The following CSMD1 variants were observed in gnomAD, a reference collection of about 807,000 sequenced individuals.
CSMD1 encodes CUB and sushi domain-containing protein 1.
In CSMD1, 213 loss-of-function variants were observed where a neutral mutation model predicts 417.5. The observed-to-expected ratio is 0.51, with a 90% CI of 0.46 to 0.57. CSMD1 has a LOEUF of 0.57. CSMD1 is among the 20% of genes least tolerant of loss of function. CSMD1 has a pLI of 0.00. For missense variants in CSMD1, 6,923 were observed against 4,529.7 expected (o/e 1.53, Z -15.17); for synonymous variants, 2,862 against 1,736.8 (o/e 1.65, Z -16.11).
chr8:4,455,182 G>A (rs540522333), intron 2 of CSMD1, among the ~76,000 whole-genome samples: 1 of 150,896 alleles, frequency 6.6e-6, no homozygotes, highest in East Asian at 1.9e-4. Flanking sequence ...AATTAAAGAT[G>A]CAACAAAAGC....
intron 3 of CSMD1, among the ~76,000 whole-genome samples, chr8:4,317,129 C>T (rs912277888): frequency 6.6e-6 from 1 of 152,142 alleles, no homozygotes; most frequent in Non-Finnish European, 1.5e-5. Context: ...ACATCATCAT[C>T]ATCTAAGGTT....
At chr8:3,691,552 T>C (rs566114638) in intron 7 of CSMD1, among the ~76,000 whole-genome samples, 18 of 152,298 alleles carry the variant, frequency 1.2e-4, no homozygotes, top group Non-Finnish European at 1.8e-4. Flanking sequence ...CCTGAATGAA[T>C]AATTGTATTT....
intron 1 of CSMD1, among the ~76,000 whole-genome samples, chr8:4,978,349 A>C (rs902530894): frequency 6.6e-6 from 1 of 152,092 alleles, no homozygotes; most frequent in Non-Finnish European, 1.5e-5. Context: ...CTAAAGCCAG[A>C]AGGAAAAAGC....
At chr8:3,151,703 G>A (rs1819206003) in intron 39 of CSMD1, among the ~76,000 whole-genome samples, 190 bp from the exon 40 acceptor site, 1 of 152,168 alleles carries the variant, frequency 6.6e-6, no homozygotes, top group African/African-American at 2.4e-5. Flanking sequence ...TCTTGACAGT[G>A]AACTGCTTTA....
At chr8:4,941,495 T>C (rs1206357122) in intron 1 of CSMD1, among the ~76,000 whole-genome samples, 1 of 152,300 alleles carries the variant, frequency 6.6e-6, no homozygotes, top group African/African-American at 2.4e-5. Flanking sequence ...ATCTTCAGAA[T>C]CAACAGTTAT....
chr8:3,524,118 T>C (rs1027143088), intron 10 of CSMD1, among the ~76,000 whole-genome samples: 12 of 141,036 alleles, frequency 8.5e-5, no homozygotes, highest in East Asian at 2.2e-4. Context: ...TATGGACATA[T>C]GTGCACATAC....
intron 3 of CSMD1, among the ~76,000 whole-genome samples, chr8:4,218,039 T>G (rs1800789318): frequency 6.6e-6 from 1 of 152,218 alleles, no homozygotes; most frequent in Non-Finnish European, 1.5e-5. Flanking sequence ...CTGATGGGTT[T>G]CTGGCAGTGG....
At chr8:2,958,375 T>C (rs1025808966) in intron 62 of CSMD1, among the ~76,000 whole-genome samples, 14 of 152,230 alleles carry the variant, frequency 9.2e-5, no homozygotes, top group Non-Finnish European at 1.5e-5. Context: ...CCGCTGCAGA[T>C]TCTTCTCTGA....
At chr8:2,960,659 A>G (rs529190436) in intron 62 of CSMD1, among the ~76,000 whole-genome samples, 1 of 152,208 alleles carries the variant, frequency 6.6e-6, no homozygotes, top group Non-Finnish European at 1.5e-5. Flanking sequence ...CATACGGAGA[A>G]CTAATTTCAC....
chr8:4,422,976 C>A (rs924364027), intron 2 of CSMD1, among the ~76,000 whole-genome samples: 1 of 151,486 alleles, frequency 6.6e-6, no homozygotes, highest in African/African-American at 2.4e-5. Context: ...CAATAATAAT[C>A]ATTGAACATG....
chr8:4,585,946 G>T (rs931441988), intron 2 of CSMD1, among the ~76,000 whole-genome samples: 1 of 152,102 alleles, frequency 6.6e-6, no homozygotes, highest in Non-Finnish European at 1.5e-5. Context: ...ATTGATTTGT[G>T]GGATTTAATA....
intron 5 of CSMD1, among the ~76,000 whole-genome samples, chr8:3,818,114 G>A (rs753580991): frequency 6.6e-6 from 1 of 152,072 alleles, no homozygotes; most frequent in Admixed American, 6.5e-5. Flanking sequence ...TTCCCTGAGA[G>A]CCCAGGACCC....
intron 3 of CSMD1, among the ~76,000 whole-genome samples, chr8:4,361,291 C>G (rs1332195479): frequency 1.3e-5 from 2 of 152,214 alleles, no homozygotes; most frequent in South Asian, 2.1e-4. Context: ...ATAAATAATA[C>G]AAGATAAAGA....
chr8:3,503,093 T>C (rs1796676042), intron 10 of CSMD1, among the ~76,000 whole-genome samples: 1 of 152,144 alleles, frequency 6.6e-6, no homozygotes, highest in Admixed American at 6.5e-5. Context: ...CATATAAGCT[T>C]TTATATCTGT....
chr8:4,931,211 C>T (rs1282584491), intron 1 of CSMD1, among the ~76,000 whole-genome samples: 2 of 152,130 alleles, frequency 1.3e-5, no homozygotes, highest in East Asian at 3.9e-4. Flanking sequence ...AAATATAACT[C>T]ACTCCCCTTT....
At chr8:4,925,327 C>T (rs1329289291) in intron 1 of CSMD1, among the ~76,000 whole-genome samples, 3 of 131,738 alleles carry the variant, frequency 2.3e-5, no homozygotes, top group Non-Finnish European at 3.1e-5. Context: ...TGGTCTTTGA[C>T]GGGGTCATGT....
At chr8:4,461,361 G>C (rs1315220271) in intron 2 of CSMD1, among the ~76,000 whole-genome samples, 2 of 151,506 alleles carry the variant, frequency 1.3e-5, no homozygotes, top group South Asian at 2.1e-4. Flanking sequence ...GTTTTAGCTA[G>C]GGCAGTGATG....
At chr8:4,258,268 G>A (rs564665565) in intron 3 of CSMD1, among the ~76,000 whole-genome samples, 24 of 139,864 alleles carry the variant, frequency 1.7e-4, no homozygotes, top group African/African-American at 3.6e-4. Context: ...AAGGCCTGTC[G>A]CTGTGAGCTA....
At chr8:3,013,314 C>A (rs1808554213) in intron 52 of CSMD1, among the ~76,000 whole-genome samples, 1 of 152,192 alleles carries the variant, frequency 6.6e-6, no homozygotes, top group Non-Finnish European at 1.5e-5. Context: ...GGTCTTCATG[C>A]TGACTCTACC....
Sources: allele counts gnomAD v4.1 joint callset (sites outside exome capture counted in the v4.1 genomes callset), GRCh38; gene constraint gnomAD v4.1.1; transcripts MANE v1.5; gene names NCBI Gene and HGNC (gene_info 2026-07-23, HGNC 2026-07-21).